The following VRK1 variants were observed in gnomAD, a reference collection of about 807,000 sequenced individuals.
VRK1 encodes VRK serine/threonine kinase 1.
In VRK1, 33 loss-of-function variants were observed where a neutral mutation model predicts 57.1. That is an observed-to-expected ratio of 0.58 (90% CI 0.44 to 0.77). The LOEUF (loss-of-function observed/expected upper bound fraction) is 0.77, where lower values mean the gene tolerates loss of function less well. Among genes scored for constraint, VRK1 ranks in the 30% least tolerant of loss-of-function variants. VRK1 has a pLI of 0.00. For synonymous variants in VRK1, 137 were observed against 147.8 expected, an observed-to-expected ratio of 0.93 and a Z score of 0.53; for missense variants, 413 against 477.3, an observed-to-expected ratio of 0.87 and a Z score of 1.25.
At chr14:96,860,493 A>AT (rs1463081755) in intron 10 of VRK1, 64 bp from the exon 11 acceptor site, 54 of 1,466,810 alleles carry the variant, frequency 3.7e-5, no homozygotes, top group Admixed American at 1.4e-4. Context: ...ACCATGAATT[A>AT]TTTTTTTTAG....
intron 11 of VRK1, among the ~76,000 whole-genome samples, chr14:96,867,095 G>A (rs1888615146): frequency 6.6e-6 from 1 of 152,012 alleles, no homozygotes. Context: ...TGTGTCATTT[G>A]TATACTATGT....
intron 11 of VRK1, among the ~76,000 whole-genome samples, chr14:96,871,857 G>T (rs372441037): frequency 1.1e-4 from 16 of 152,040 alleles, no homozygotes; most frequent in African/African-American, 3.6e-4. Flanking sequence ...GTCTTGCTCT[G>T]TCACCCAGGC....
chr14:96,804,919 T>C (rs939386227), intron 1 of VRK1, among the ~76,000 whole-genome samples: 5 of 152,362 alleles, frequency 3.3e-5, no homozygotes, highest in African/African-American at 1.2e-4. Context: ...ACTTCCAAAC[T>C]GTTTCGTATT....
At chr14:96,836,407 T>C (rs1436424234) in intron 2 of VRK1, among the ~76,000 whole-genome samples, 1 of 152,120 alleles carries the variant, frequency 6.6e-6, no homozygotes, top group African/African-American at 2.4e-5. Flanking sequence ...CCCATCGTGT[T>C]TGTTCCCTGC....
intron 10 of VRK1, among the ~76,000 whole-genome samples, chr14:96,858,148 C>CAGCCTTGACCTCCTGAGCTCAA (rs886858213): frequency 2.6e-5 from 4 of 152,258 alleles, no homozygotes; most frequent in African/African-American, 7.2e-5. Flanking sequence ...CAGCTCACTG[C>CAGCCTTGACCTCCTGAGCTCAA]AGCCTTGACC....
chr14:96,838,137 T>G (rs1318348679), intron 3 of VRK1, among the ~76,000 whole-genome samples: 2 of 152,126 alleles, frequency 1.3e-5, no homozygotes, highest in African/African-American at 4.8e-5. Flanking sequence ...TATATTTATA[T>G]CCTATAAGAC....
intron 3 of VRK1, among the ~76,000 whole-genome samples, chr14:96,842,869 G>T (rs963212834): frequency 6.6e-6 from 1 of 152,166 alleles, no homozygotes; most frequent in Non-Finnish European, 1.5e-5. Flanking sequence ...TTTTATCCTT[G>T]ATTTCAGTAA....
chr14:96,807,649 A>G lies in VRK1; in HGVS notation c.-6+10202A>G, dbSNP rs189270712. Among the ~76,000 whole-genome samples, 10 of 152,286 alleles carry G rather than the reference A, an allele frequency of 6.6e-5. No individual in the cohort carries two copies. The East Asian group carries it at 1.9e-3, about 29-fold the overall frequency. Reference sequence around the variant, plus strand: ...ATATTAGCTATATCCTTTTGTGACCACATCATACATTGAACATAAAGTTGA... The same window carrying G: ...ATATTAGCTATATCCTTTTGTGACCGCATCATACATTGAACATAAAGTTGA... On this transcript the variant is annotated intron_variant, in intron 1 of 12. Coordinates refer to ENST00000216639, the MANE Select transcript of VRK1 (RefSeq NM_003384.3).
intron 1 of VRK1, among the ~76,000 whole-genome samples, chr14:96,818,577 T>G (rs1013707759): frequency 6.6e-6 from 1 of 152,198 alleles, no homozygotes; most frequent in African/African-American, 2.4e-5. Context: ...GGGATCATTA[T>G]CTCTGGAGGT....
At position 96,844,789 on chromosome 14, in the gene VRK1, G is replaced by A. The variant is rs575854079; in HGVS notation, c.217-1306G>A. 7.9e-5 allele frequency among the ~76,000 whole-genome samples: 12 copies of A among 152,232 alleles called. No individual in the cohort carries two copies. In the South Asian group the frequency reaches 1.0e-3, roughly 13 times the overall value. On this transcript the variant is annotated intron_variant, in intron 3 of 12. Coordinates refer to ENST00000216639, the MANE Select transcript of VRK1 (RefSeq NM_003384.3). ...ACTCCTGACCTCAAGTGATCCGCCC[G>A]TCTTGGCCTCCCAAAGTGCTGGGAT... is the stretch of plus-strand genomic sequence containing the variant.
At chr14:96,829,022 G>A in intron 1 of VRK1, among the ~76,000 whole-genome samples, 1 of 152,138 alleles carries the variant, frequency 6.6e-6, no homozygotes, top group East Asian at 1.9e-4. Context: ...GAGCAGCTGA[G>A]TATATTTCAG....
At chr14:96,876,705 C>CT (rs998439663) in intron 12 of VRK1, among the ~76,000 whole-genome samples, 30 of 145,378 alleles carry the variant, frequency 2.1e-4, no homozygotes, top group Middle Eastern at 7.6e-3. Context: ...TCAACCTCTT[C>CT]TTTTTTTTGA....
In VRK1 at chr14:96,879,476, T is replaced by C. The variant is rs563800984; in HGVS notation, c.1160-1701T>C. Among the ~76,000 whole-genome samples the C allele has an allele frequency of 1.1e-3, 163 of 152,264 alleles. 1 individual carries two copies. The highest frequency in any genetic ancestry group is 6.9e-4 in the Non-Finnish European group (47 of 68,026). On this transcript the variant is annotated intron_variant, in intron 12 of 12. Coordinates refer to ENST00000216639, the MANE Select transcript of VRK1 (RefSeq NM_003384.3). ...GAATAATGCTATTTGAATGTAACTTTATAGTTGTTAATTTAGTGTTCTTTG... is the reference window on the plus strand; with the variant it reads ...GAATAATGCTATTTGAATGTAACTTCATAGTTGTTAATTTAGTGTTCTTTG...
At chr14:96,851,558 A>G (rs1887951639) in intron 5 of VRK1, among the ~76,000 whole-genome samples, 1 of 152,242 alleles carries the variant, frequency 6.6e-6, no homozygotes, top group South Asian at 2.1e-4. Flanking sequence ...CAGTTCAAAA[A>G]TGAATAGAAT....
chr14:96,852,666 T>C (rs1055367112), intron 5 of VRK1, among the ~76,000 whole-genome samples, 165 bp from the exon 6 acceptor site: 8 of 152,218 alleles, frequency 5.3e-5, no homozygotes, highest in Non-Finnish European at 7.4e-5. Flanking sequence ...CTGAACTCTT[T>C]GAGATTTCTA....
intron 11 of VRK1, among the ~76,000 whole-genome samples, chr14:96,869,976 A>G (rs1304841738): frequency 6.6e-6 from 1 of 152,172 alleles, no homozygotes; most frequent in Non-Finnish European, 1.5e-5. Context: ...ATGTATTTAT[A>G]AAGATTAGCC....
chr14:96,813,040 A>G (rs369080881), intron 1 of VRK1, among the ~76,000 whole-genome samples: 4 of 152,328 alleles, frequency 2.6e-5, no homozygotes, highest in South Asian at 2.1e-4. Context: ...CTTAAGAACT[A>G]TCAGTTGGTT....
chr14:96,843,641 G>A (rs1887557773), intron 3 of VRK1, among the ~76,000 whole-genome samples: 1 of 152,088 alleles, frequency 6.6e-6, no homozygotes, highest in African/African-American at 2.4e-5. Context: ...AACGTTTAGT[G>A]ATATTCTAGT....
chr14:96,845,129 A>C (rs1218783928), intron 3 of VRK1, among the ~76,000 whole-genome samples: 1 of 152,144 alleles, frequency 6.6e-6, no homozygotes, highest in Non-Finnish European at 1.5e-5. Flanking sequence ...TTTTTTTCTC[A>C]TACCTCCTAA....
Sources: allele counts gnomAD v4.1 joint callset (sites outside exome capture counted in the v4.1 genomes callset), GRCh38; gene constraint gnomAD v4.1.1; transcripts MANE v1.5; gene names NCBI Gene and HGNC (gene_info 2026-07-23, HGNC 2026-07-21).